The following TPO variants were observed in gnomAD, a reference collection of about 807,000 sequenced individuals.
TPO encodes thyroid peroxidase, also known as thyroid microsomal antigen.
A neutral mutation model predicts 96.9 loss-of-function variants in TPO; 78 were observed. That is an observed-to-expected ratio of 0.81 (90% CI 0.67 to 0.97). TPO has a LOEUF of 0.97. Ranked by LOEUF, TPO falls within the 50% of genes least tolerant of loss-of-function variation. TPO has a pLI of 0.00. For synonymous variants in TPO, 547 were observed against 538.0 expected (o/e 1.02, Z -0.23); for missense variants, 1,252 against 1,274.8 (o/e 0.98, Z 0.27).
At chr2:1,382,716 C>CT (rs1050250436) in intron 1 of TPO, among the ~76,000 whole-genome samples, 2 of 151,834 alleles carry the variant, frequency 1.3e-5, no homozygotes, top group Admixed American at 6.6e-5. Flanking sequence ...GATGCTCTTT[C>CT]TTTTTTTTAA....
chr2:1,540,822 GTTTACTCCGT>G, intron 16 of TPO, 99 bp downstream of exon 16: 1 of 1,599,192 alleles, frequency 6.3e-7, no homozygotes, highest in Non-Finnish European at 8.5e-7. Flanking sequence ...GCATATTTCT[GTTTACTCCGT>G]GTTTCCTAGT....
chr2:1,483,872 T>C (rs940020372), intron 8 of TPO, among the ~76,000 whole-genome samples: 15 of 152,216 alleles, frequency 9.9e-5, no homozygotes, highest in Admixed American at 3.3e-4. Flanking sequence ...GGAAGAAACA[T>C]ATTACAAGTG....
At chr2:1,478,332 G>A (rs752370271) in intron 8 of TPO, 80 of 985,344 alleles carry the variant, frequency 8.1e-5, no homozygotes, top group Non-Finnish European at 2.0e-5. Context: ...GCGAGTCACC[G>A]TGTGTGTCTG....
intron 8 of TPO, among the ~76,000 whole-genome samples, chr2:1,479,937 A>G (rs1183765393): frequency 6.6e-6 from 1 of 150,658 alleles, no homozygotes; most frequent in Non-Finnish European, 1.5e-5. Flanking sequence ...ATGTGCCACC[A>G]CTCCCAGCTG....
At chr2:1,386,778 C>T (rs1390366666) in intron 1 of TPO, among the ~76,000 whole-genome samples, 1 of 152,086 alleles carries the variant, frequency 6.6e-6, no homozygotes, top group African/African-American at 2.4e-5. Context: ...TTATTTTGCT[C>T]ATTAGTTGAT....
intron 5 of TPO, among the ~76,000 whole-genome samples, chr2:1,445,860 G>A (rs1393124994): frequency 2.0e-5 from 3 of 146,364 alleles, no homozygotes; most frequent in African/African-American, 7.6e-5. Context: ...GTATGATCCA[G>A]TCACTGCTGC....
intron 2 of TPO, among the ~76,000 whole-genome samples, chr2:1,418,495 G>A (rs1325977356): frequency 6.6e-6 from 1 of 152,118 alleles, no homozygotes; most frequent in Admixed American, 6.6e-5. Context: ...ATAAACTTCA[G>A]CACCTGAAAA....
chr2:1,448,878 G>A (rs879872605), intron 5 of TPO, among the ~76,000 whole-genome samples: 4 of 152,172 alleles, frequency 2.6e-5, no homozygotes, highest in South Asian at 2.1e-4. Context: ...CCATCCAGGC[G>A]GGACAGACTC....
At chr2:1,428,519 G>A (rs1439661749) in intron 3 of TPO, among the ~76,000 whole-genome samples, 3 of 152,164 alleles carry the variant, frequency 2.0e-5, no homozygotes, top group Non-Finnish European at 4.4e-5. Flanking sequence ...CCACGTCACT[G>A]TCAAGAGCTG....
rs545936231 is a variant in TPO at position 1,477,577 on chromosome 2, G to A, written c.1311G>A (p.Ala437=). 2.0e-6 allele frequency: 3 copies of A among 1,536,868 alleles called. No homozygotes were observed. The Admixed American group carries it at 5.9e-5, about 30-fold the overall frequency. Residue 437 remains alanine (A), a synonymous_variant, in exon 8 of 17, where the codon GCG becomes GCA. Transcript: ENST00000329066. ...HWSADAVYQE[A]RKVVGALHQI... ...GCGCGGACGCCGTGTACCAGGAGGC[G>A]CGCAAGGTCGTGGGCGCTCTGCACC...
chr2:1,469,804 A>T (rs1049869351), intron 7 of TPO, among the ~76,000 whole-genome samples: 1 of 152,170 alleles, frequency 6.6e-6, no homozygotes, highest in African/African-American at 2.4e-5. Flanking sequence ...GGGCACTCAC[A>T]GTATTTGGGG....
intron 8 of TPO, among the ~76,000 whole-genome samples, chr2:1,479,758 T>C (rs952225400): frequency 3.3e-5 from 5 of 149,880 alleles, no homozygotes; most frequent in African/African-American, 1.2e-4. Context: ...CTCCTCCTCG[T>C]CCTCCTCCTC....
chr2:1,397,429 A>C (rs1662098369), intron 1 of TPO, among the ~76,000 whole-genome samples: 1 of 152,160 alleles, frequency 6.6e-6, no homozygotes, highest in African/African-American at 2.4e-5. Context: ...CCCAGGAGGA[A>C]GATACACCAT....
chr2:1,452,953 A>G (rs1667441979), intron 5 of TPO, among the ~76,000 whole-genome samples: 1 of 152,212 alleles, frequency 6.6e-6, no homozygotes, highest in Admixed American at 6.5e-5. Flanking sequence ...CACTTCAAAT[A>G]CATTTTTGTC....
chr2:1,478,171 T>TTAAG (rs1480436994), intron 8 of TPO: 2 of 985,354 alleles, frequency 2.0e-6, no homozygotes, highest in African/African-American at 3.5e-5. Flanking sequence ...TATGACTTTC[T>TTAAG]TAAGTATCAC....
intron 15 of TPO, 84 bp downstream of exon 15, chr2:1,517,066 T>C (rs1183860422): frequency 1.6e-5 from 23 of 1,437,346 alleles, no homozygotes; most frequent in Non-Finnish European, 2.2e-5. Flanking sequence ...GCTGCTTTAT[T>C]TTCCCGAAGC....
chr2:1,530,110 CCAAAATCTCCCTATGCGCAACCTCG>C (rs746555008), intron 15 of TPO, among the ~76,000 whole-genome samples: 6,835 of 115,604 alleles, frequency 0.059, 372 homozygotes, highest in African/African-American at 0.07. Flanking sequence ...TTGCAACCTC[CCAAAATCTCCCTATGCGCAACCTCG>C]CAAAATCTCC....
chr2:1,525,770 C>A (rs1305270251), intron 15 of TPO, among the ~76,000 whole-genome samples: 4 of 143,318 alleles, frequency 2.8e-5, no homozygotes, highest in Non-Finnish European at 4.6e-5. Context: ...GGCAACCACA[C>A]TAAATCCCGC....
chr2:1,412,687 A>G (rs1001357190), upstream of TPO, among the ~76,000 whole-genome samples: 1 of 152,228 alleles, frequency 6.6e-6, no homozygotes. Flanking sequence ...AGAAAGATGA[A>G]GATGATTTTC....
Sources: allele counts gnomAD v4.1 joint callset (sites outside exome capture counted in the v4.1 genomes callset), GRCh38; gene constraint gnomAD v4.1.1; transcripts MANE v1.5; gene names NCBI Gene and HGNC (gene_info 2026-07-23, HGNC 2026-07-21).